The following RIGI variants were observed in gnomAD, a reference collection of about 807,000 sequenced individuals.
RIGI encodes the protein antiviral innate immune response receptor RIG-I.
chr9:32,496,988 G>C, the RIGI span, among the ~76,000 whole-genome samples: 2 of 152,032 alleles, frequency 1.3e-5, no homozygotes, highest in Non-Finnish European at 2.9e-5. Flanking sequence ...GAGAGGTGAG[G>C]CCTCCTGGTT....
chr9:32,470,387 T>C, the RIGI span, among the ~76,000 whole-genome samples: 30 of 152,264 alleles, frequency 2.0e-4, no homozygotes, highest in African/African-American at 7.0e-4. Flanking sequence ...ACTGCCATTA[T>C]AGTTGGAAAG....
At chr9:32,481,316 C>T in the RIGI span, 92 of 1,606,186 alleles carry the variant, frequency 5.7e-5, no homozygotes, top group Middle Eastern at 3.5e-4. Flanking sequence ...GACCAGAATA[C>T]GACTCTTAAA....
the RIGI span, among the ~76,000 whole-genome samples, chr9:32,512,520 C>G: frequency 5.9e-5 from 9 of 152,042 alleles, no homozygotes; most frequent in Non-Finnish European, 5.9e-5. Flanking sequence ...ATTCAACAGC[C>G]CTTCATGCTA....
the RIGI span, among the ~76,000 whole-genome samples, chr9:32,459,780 T>C: frequency 1.3e-5 from 2 of 152,218 alleles, no homozygotes; most frequent in East Asian, 1.9e-4. Context: ...AAGATGTCCA[T>C]AGAATAGTCA....
chr9:32,473,373 C>T, the RIGI span, among the ~76,000 whole-genome samples: 26 of 149,874 alleles, frequency 1.7e-4, no homozygotes, highest in African/African-American at 4.2e-4. Context: ...CTGCAACCTC[C>T]GCCTCCCAGG....
chr9:32,474,597 T>C, the RIGI span, among the ~76,000 whole-genome samples: 1 of 152,312 alleles, frequency 6.6e-6, no homozygotes, highest in Admixed American at 6.5e-5. Context: ...GATGGACCTG[T>C]GGAGAGGCCC....
At chr9:32,520,586 T>C in the RIGI span, among the ~76,000 whole-genome samples, 17 of 152,188 alleles carry the variant, frequency 1.1e-4, no homozygotes, top group Non-Finnish European at 2.2e-4. Context: ...AACCATTCAA[T>C]CCCTCTACGC....
chr9:32,459,157 A>G, the RIGI span, among the ~76,000 whole-genome samples: 32 of 152,060 alleles, frequency 2.1e-4, no homozygotes, highest in Non-Finnish European at 4.0e-4. Flanking sequence ...AAGTGTTTTG[A>G]TTACAGGCAT....
the RIGI span, among the ~76,000 whole-genome samples, chr9:32,520,921 G>C: frequency 6.6e-6 from 1 of 151,194 alleles, no homozygotes; most frequent in East Asian, 1.9e-4. Context: ...CGAGGCAGGC[G>C]GATCAGCTGA....
chr9:32,466,466 T>G, the RIGI span: 3 of 1,568,546 alleles, frequency 1.9e-6, no homozygotes, highest in Non-Finnish European at 2.6e-6. Flanking sequence ...ATATTTTAGT[T>G]GGTGTTTTTG....
chr9:32,485,178 G>A, the RIGI span: 29 of 1,595,484 alleles, frequency 1.8e-5, no homozygotes, highest in Non-Finnish European at 2.4e-5. Context: ...ATCTCACCGA[G>A]GTCTTTGCAG....
At chr9:32,516,500 G>T in the RIGI span, among the ~76,000 whole-genome samples, 2 of 152,196 alleles carry the variant, frequency 1.3e-5, no homozygotes, top group Non-Finnish European at 2.9e-5. Flanking sequence ...TTGGCTGGAA[G>T]TGAGTTTTGG....
the RIGI span, among the ~76,000 whole-genome samples, chr9:32,504,970 A>C: frequency 7.2e-6 from 1 of 138,570 alleles, no homozygotes; most frequent in African/African-American, 2.6e-5. Context: ...TATTTATTCT[A>C]TATTATATAT....
At chr9:32,506,748 CCA>C in the RIGI span, among the ~76,000 whole-genome samples, 1 of 152,086 alleles carries the variant, frequency 6.6e-6, no homozygotes, top group South Asian at 2.1e-4. Flanking sequence ...TCTGTTAGTT[CCA>C]GTAATTTGGG....
chr9:32,484,159 G>A, the RIGI span, among the ~76,000 whole-genome samples: 1 of 152,180 alleles, frequency 6.6e-6, no homozygotes, highest in Non-Finnish European at 1.5e-5. Flanking sequence ...CAGACTGCAG[G>A]TTAGAGGCGT....
chr9:32,489,836 A>T, the RIGI span, among the ~76,000 whole-genome samples: 2 of 152,236 alleles, frequency 1.3e-5, no homozygotes, highest in African/African-American at 2.4e-5. Context: ...TTAACATTGG[A>T]TTCTCAAAGC....
At chr9:32,482,990 T>C in the RIGI span, among the ~76,000 whole-genome samples, 2 of 152,118 alleles carry the variant, frequency 1.3e-5, no homozygotes, top group Non-Finnish European at 2.9e-5. Context: ...AAGACACTTA[T>C]CACACATGCA....
the RIGI span, among the ~76,000 whole-genome samples, chr9:32,473,530 C>T: frequency 2.6e-5 from 4 of 151,940 alleles, no homozygotes; most frequent in African/African-American, 9.7e-5. Flanking sequence ...CGTGATCCAC[C>T]CACCTCATCC....
chr9:32,468,305 C>G, the RIGI span, among the ~76,000 whole-genome samples: 1 of 152,240 alleles, frequency 6.6e-6, no homozygotes, highest in Non-Finnish European at 1.5e-5. Context: ...ATTTTCACAT[C>G]TTCTCACTCA....
Sources: gnomAD v4.1 joint callset for allele counts (sites outside exome capture counted in the v4.1 genomes callset) on GRCh38, gnomAD v4.1.1 for gene constraint, MANE v1.5 for transcripts, NCBI Gene and HGNC (gene_info 2026-07-23, HGNC 2026-07-21) for gene names.